Variants in NSUN6 observed in about 807,000 individuals in gnomAD.
NSUN6 encodes NOP2/Sun RNA methyltransferase 6, also known as tRNA (cytosine(72)-C(5))-methyltransferase NSUN6.
A neutral mutation model predicts 58.0 loss-of-function variants in NSUN6; 64 were observed. That is an observed-to-expected ratio of 1.10 (90% CI 0.90 to 1.36). The LOEUF is 1.36. Among genes scored for constraint, NSUN6 ranks in the 40% most tolerant of loss-of-function variants. The pLI is 0.00. For synonymous variants in NSUN6, 231 were observed against 193.9 expected, an observed-to-expected ratio of 1.19 and a Z score of -1.59; for missense variants, 701 against 550.1, an observed-to-expected ratio of 1.27 and a Z score of -2.74.
At chr10:18,553,932 TGGAATGGAATGGAATGGAGAATGGAAG>T (rs1229408624) in intron 8 of NSUN6, among the ~76,000 whole-genome samples, 2 of 147,068 alleles carry the variant, frequency 1.4e-5, no homozygotes, top group African/African-American at 2.5e-5. Flanking sequence ...GAGAACGGTA[TGGAATGGAATGGAATGGAGAATGGAAG>T]GGAATGGAAT....
chr10:18,559,814 G>T (rs199546739), intron 8 of NSUN6, among the ~76,000 whole-genome samples: 1 of 65,626 alleles, frequency 1.5e-5, no homozygotes, highest in East Asian at 2.4e-3. Flanking sequence ...GAATGGAAAA[G>T]AGAATGGAAT....
intron 7 of NSUN6, among the ~76,000 whole-genome samples, chr10:18,591,452 T>C (rs942187499): frequency 5.9e-5 from 9 of 152,076 alleles, no homozygotes; most frequent in African/African-American, 2.2e-4. Context: ...CCCTGATGAA[T>C]ATCTATGCAA....
Position 18,596,223 on chromosome 10 carries a change from T to A in NSUN6, c.762A>T (p.Ala254=). 1 of 1,611,832 alleles carries A rather than the reference T, an allele frequency of 6.2e-7. No homozygotes were observed. Among genetic ancestry groups the A allele is most frequent in the African/African-American group, 1.3e-5 (1 of 75,024 alleles). The change falls in exon 7 of 11, where the codon GCA becomes GCT. Residue 254 remains alanine, a synonymous_variant. Coordinates refer to ENST00000377304, the MANE Select transcript of NSUN6 (RefSeq NM_182543.5). ...APGGKTTHIA[A]LMHDQGEVIA... is the part of the protein sequence containing the mutation. ...ACAGTCTCACCTGATCATGCATTAGTGCTGCAATGTGTGTTGTTTTCCCTC... is the reference window on the plus strand; with the variant it reads ...ACAGTCTCACCTGATCATGCATTAGAGCTGCAATGTGTGTTGTTTTCCCTC...
intron 8 of NSUN6, among the ~76,000 whole-genome samples, chr10:18,573,632 T>C (rs1041765621): frequency 6.6e-6 from 1 of 152,182 alleles, no homozygotes; most frequent in Admixed American, 6.6e-5. Context: ...TGGATGACCT[T>C]CTCAAATCTG....
At chr10:18,655,173 C>T (rs2059763951), upstream of NSUN6, 2 of 980,312 alleles carry the variant, frequency 2.0e-6, no homozygotes, top group South Asian at 9.4e-5. Flanking sequence ...GTATCCTTCC[C>T]ACCTAAGAAA....
At chr10:18,645,157 C>CAAAA (rs71402191) in intron 2 of NSUN6, among the ~76,000 whole-genome samples, 7 of 106,304 alleles carry the variant, frequency 6.6e-5, no homozygotes, top group Non-Finnish European at 9.8e-5. Flanking sequence ...GACTCCCTCT[C>CAAAA]AAAAAAAAAA....
intron 8 of NSUN6, among the ~76,000 whole-genome samples, chr10:18,565,502 A>C (rs1352261310): frequency 6.8e-6 from 1 of 146,268 alleles, no homozygotes. Context: ...TCTCCATTCC[A>C]TTCTATTCTA....
intron 3 of NSUN6, among the ~76,000 whole-genome samples, chr10:18,632,999 A>T (rs2059089227): frequency 6.6e-6 from 1 of 152,038 alleles, no homozygotes; most frequent in Non-Finnish European, 1.5e-5. Flanking sequence ...AAGACTTGGA[A>T]CCAACCCAAA....
intron 6 of NSUN6, 124 bp downstream of exon 6, chr10:18,609,721 G>A (rs2058165018): frequency 3.7e-6 from 2 of 539,302 alleles, no homozygotes; most frequent in South Asian, 6.4e-5. Context: ...CTTAACCAAA[G>A]GTAGATCAGT....
chr10:18,569,089 A>T (rs2056177900), intron 8 of NSUN6, among the ~76,000 whole-genome samples: 1 of 146,634 alleles, frequency 6.8e-6, no homozygotes, highest in African/African-American at 2.5e-5. Context: ...ATTCCATTCA[A>T]TTCCACATTC....
upstream of NSUN6, among the ~76,000 whole-genome samples, chr10:18,656,816 CTTTT>C (rs59363607): frequency 7.4e-3 from 641 of 86,590 alleles, 2 homozygotes; most frequent in African/African-American, 0.016. Context: ...AGTTACAATC[CTTTT>C]TTTTTTTTTT....
chr10:18,652,467 T>C (rs1201759973), upstream of NSUN6: 2 of 983,736 alleles, frequency 2.0e-6, no homozygotes, highest in Admixed American at 1.2e-4. Context: ...ATAGAACAGG[T>C]ACTTTCCATG....
intron 3 of NSUN6, among the ~76,000 whole-genome samples, chr10:18,620,104 T>G (rs1286899886): frequency 1.8e-5 from 1 of 55,244 alleles, no homozygotes; most frequent in Non-Finnish European, 4.1e-5. Flanking sequence ...TTTTTTTTTT[T>G]TGAGACGGAG....
At chr10:18,575,223 C>A (rs746459055) in intron 8 of NSUN6, among the ~76,000 whole-genome samples, 2 of 151,982 alleles carry the variant, frequency 1.3e-5, no homozygotes, top group Non-Finnish European at 1.5e-5. Flanking sequence ...TATACCCTGG[C>A]CAAACAGGTT....
At chr10:18,636,327 G>A (rs955007333) in intron 3 of NSUN6, among the ~76,000 whole-genome samples, 5 of 150,780 alleles carry the variant, frequency 3.3e-5, no homozygotes, top group African/African-American at 1.2e-4. Flanking sequence ...ATTATACTTG[G>A]GAAATAACAT....
In NSUN6 at chr10:18,648,497, A is replaced by G; in HGVS notation, c.224T>C (p.Leu75Pro). 2 of 1,596,402 alleles carry G rather than the reference A, an allele frequency of 1.3e-6. No individual in the cohort carries two copies. The highest frequency in any genetic ancestry group is 2.2e-5 in the South Asian group (2 of 89,022). Residue 75 changes from leucine (L) to proline (P), a missense_variant, in exon 2 of 11, where the codon CTT becomes CCT. Coordinates refer to ENST00000377304, the MANE Select transcript of NSUN6 (RefSeq NM_182543.5). ...CAGAAAATTTCCACAAACCTTCTGA[A>G]GTTCATCAAGTAACAGATTTTTCAC... ...QHVKNLLLDE[L>P]QKQFNGLSVP...
rs558081039 is a variant in NSUN6, at chr10:18,608,488, T to C, written c.657+1357A>G. On this transcript the variant is annotated intron_variant, in intron 6 of 10. Coordinates refer to ENST00000377304, the MANE Select transcript of NSUN6 (RefSeq NM_182543.5). The stretch of plus-strand genomic sequence containing the variant: ...CCATCTCTACTAAAAATACAAAAAA[T>C]TAGCAGGGTGCGGTGGCGCATGCTG... 2.3e-3 allele frequency among the ~76,000 whole-genome samples: 345 copies of C among 151,832 alleles called. 3 individuals carry two copies. The highest frequency in any genetic ancestry group is 7.8e-3 in the African/African-American group (323 of 41,392).
intron 8 of NSUN6, among the ~76,000 whole-genome samples, chr10:18,554,733 T>C (rs1051359820): frequency 6.8e-6 from 1 of 147,446 alleles, no homozygotes; most frequent in East Asian, 2.1e-4. Flanking sequence ...GAGTGGAGAA[T>C]GTATGGGAAT....
chr10:18,559,765 G>C (rs917780988), intron 8 of NSUN6, among the ~76,000 whole-genome samples: 2 of 151,496 alleles, frequency 1.3e-5, no homozygotes, highest in African/African-American at 4.8e-5. Flanking sequence ...GAATGGAAGG[G>C]AATGGAATGC....
Sources: gnomAD v4.1 joint callset for allele counts (sites outside exome capture counted in the v4.1 genomes callset) on GRCh38, gnomAD v4.1.1 for gene constraint, MANE v1.5 for transcripts, NCBI Gene and HGNC (gene_info 2026-07-23, HGNC 2026-07-21) for gene names.